CDKL1: variants seen among roughly 807,000 people sequenced by gnomAD.
CDKL1 encodes cyclin-dependent kinase-like 1.
CDKL1 carries 41 observed loss-of-function variants against 42.0 expected under a neutral mutation model. The ratio of observed to expected loss-of-function variants is 0.98; its 90% CI spans 0.76 to 1.27. CDKL1 has a LOEUF of 1.27. Among genes scored for constraint, CDKL1 ranks in the 50% most tolerant of loss-of-function variants. CDKL1 has a pLI of 0.00. For missense variants in CDKL1, 394 were observed against 428.4 expected (o/e 0.92, Z 0.71); for synonymous variants, 153 against 158.6 (o/e 0.96, Z 0.26).
chr14:50,340,551 C>T (rs1409713072), intron 6 of CDKL1, among the ~76,000 whole-genome samples: 5 of 152,086 alleles, frequency 3.3e-5, no homozygotes, highest in African/African-American at 7.2e-5. Flanking sequence ...GAAAGCAAGA[C>T]GGACTGAGTG....
intron 3 of CDKL1, among the ~76,000 whole-genome samples, chr14:50,346,352 G>A (rs1173369128): frequency 1.3e-5 from 2 of 152,160 alleles, no homozygotes; most frequent in Admixed American, 6.5e-5. Flanking sequence ...TTCCTTGTTT[G>A]AGCGGCATAT....
intron 7 of CDKL1, among the ~76,000 whole-genome samples, chr14:50,337,070 G>A (rs2033319467): frequency 6.6e-6 from 1 of 151,658 alleles, no homozygotes; most frequent in South Asian, 2.1e-4. Flanking sequence ...GTGTACTGAC[G>A]TGATCTCGGC....
At chr14:50,350,905 T>G (rs1046010500) in intron 3 of CDKL1, among the ~76,000 whole-genome samples, 1 of 152,056 alleles carries the variant, frequency 6.6e-6, no homozygotes, top group African/African-American at 2.4e-5. Context: ...GCACTCCTTC[T>G]GGGGAGGGCA....
At chr14:50,366,228 A>C (rs1487995153) in intron 2 of CDKL1, among the ~76,000 whole-genome samples, 1 of 152,214 alleles carries the variant, frequency 6.6e-6, no homozygotes, top group Non-Finnish European at 1.5e-5. Flanking sequence ...ATAATCTATG[A>C]AATTAGGCTG....
chr14:50,354,900 TATA>T (rs1180158421), intron 3 of CDKL1, among the ~76,000 whole-genome samples: 4 of 152,204 alleles, frequency 2.6e-5, no homozygotes, highest in Middle Eastern at 3.4e-3. Flanking sequence ...AAAACATTAC[TATA>T]ATAATAAACA....
chr14:50,390,037 C>G (rs2035207911), intron 2 of CDKL1: 1 of 640,328 alleles, frequency 1.6e-6, no homozygotes, highest in African/African-American at 1.9e-5. Context: ...ACGATATCTA[C>G]CTTCTAAGGT....
At chr14:50,343,154 A>ATTTTT in intron 4 of CDKL1, 9 of 265,222 alleles carry the variant, frequency 3.4e-5, no homozygotes, top group South Asian at 1.0e-4. Flanking sequence ...ATTAAGAGTT[A>ATTTTT]CTTTTTTTTT....
chr14:50,341,576 C>G lies in CDKL1; in HGVS notation c.455-344G>C, dbSNP rs142322246. Among the ~76,000 whole-genome samples the G allele has an allele frequency of 9.3e-3, 1,410 of 151,316 alleles. 20 individuals carry two copies. Among genetic ancestry groups the G allele is most frequent in the African/African-American group, 0.032 (1,313 of 41,270 alleles). ...GGTGGTTTGCTTCAGCCCAGGAGTT[C>G]GAGACCAGCCTGGGCAATGTGGTGA... On this transcript the variant is annotated intron_variant, in intron 5 of 9. Transcript: ENST00000395834.
intron 8 of CDKL1, 94 bp downstream of exon 8, chr14:50,334,471 C>G: frequency 1.2e-6 from 1 of 806,778 alleles, no homozygotes; most frequent in Non-Finnish European, 2.1e-6. Context: ...AAAAGGAACA[C>G]TTTTCATTGC....
At chr14:50,338,885 G>A in intron 7 of CDKL1, 62 bp downstream of exon 7, 2 of 1,057,028 alleles carry the variant, frequency 1.9e-6, no homozygotes, top group South Asian at 2.5e-5. Flanking sequence ...CTCAGGAGGT[G>A]AATAACAACC....
chr14:50,390,101 C>T (rs2035210342), intron 2 of CDKL1: 3 of 1,303,478 alleles, frequency 2.3e-6, no homozygotes, highest in Middle Eastern at 2.1e-4. Context: ...GGCAGTTTGT[C>T]CAAATTTACT....
At chr14:50,345,732 G>T (rs2033702866) in intron 3 of CDKL1, among the ~76,000 whole-genome samples, 1 of 152,110 alleles carries the variant, frequency 6.6e-6, no homozygotes, top group East Asian at 1.9e-4. Flanking sequence ...GAGGCATCCT[G>T]GTTCTTTCCC....
At chr14:50,344,291 C>T (rs989431200) in intron 4 of CDKL1, among the ~76,000 whole-genome samples, 2 of 152,162 alleles carry the variant, frequency 1.3e-5, no homozygotes, top group African/African-American at 4.8e-5. Flanking sequence ...TTTGGGGTTC[C>T]ACCTACTGCA....
At chr14:50,333,693 T>G (rs748057439) in intron 8 of CDKL1, 1 of 152,200 alleles carries the variant, frequency 6.6e-6, no homozygotes, top group African/African-American at 2.4e-5. Context: ...CTTTCTTGCA[T>G]GAGGTCCAAG....
At chr14:50,387,173 C>T (rs1421548340) in intron 2 of CDKL1, among the ~76,000 whole-genome samples, 2 of 147,532 alleles carry the variant, frequency 1.4e-5, no homozygotes, top group African/African-American at 2.5e-5. Context: ...CCCCACTGCA[C>T]TCCAGCCTGG....
In CDKL1 at chr14:50,362,964, G is replaced by A. The variant is rs1024168466; in HGVS notation, c.169-3815C>T. The A allele has an allele frequency of 1.1e-5, 5 of 465,658 alleles. No homozygotes were observed. In the Admixed American group the frequency reaches 1.2e-4, roughly 11 times the overall value. 28.8% of individuals were successfully genotyped at this position (465,658 alleles called of 1,614,324 possible). Reference sequence around the variant, plus strand: ...TAAATCTTGCTGCTGCTCACGCTTTGGGTCCGCACTGCTGTAACACTTATG... The same window carrying A: ...TAAATCTTGCTGCTGCTCACGCTTTAGGTCCGCACTGCTGTAACACTTATG... On this transcript the variant is annotated intron_variant, in intron 2 of 9. Transcript: ENST00000395834.
chr14:50,339,054 A>C lies in CDKL1; in HGVS notation c.656-25T>G, dbSNP rs371181719. ...CCTTTGGACAAGAAAAGAAAAAGGT[A>C]AGTGAAATTGGTTAGCAAACACTGA... On this transcript the variant is annotated intron_variant, in intron 6 of 9. Transcript: ENST00000395834. 36 of 1,502,022 alleles carry C rather than the reference A, an allele frequency of 2.4e-5. No homozygotes were observed. In the African/African-American group the frequency reaches 4.1e-4, roughly 17 times the overall value. The allele number at this position is 1,502,022 out of a possible 1,614,324, so 93.0% of individuals were successfully genotyped here.
At chr14:50,380,802 CT>C (rs1555344287) in intron 2 of CDKL1, among the ~76,000 whole-genome samples, 48 of 134,592 alleles carry the variant, frequency 3.6e-4, no homozygotes, top group Non-Finnish European at 4.8e-4. Context: ...CTGTGACTTC[CT>C]TTTTTTTTTG....
chr14:50,395,728 A>T lies in CDKL1; in HGVS notation c.141T>A (p.Ile47=). 1 of 1,612,946 alleles carries T rather than the reference A, an allele frequency of 6.2e-7. No homozygotes were observed. The highest frequency in any genetic ancestry group is 8.5e-7 in the Non-Finnish European group (1 of 1,179,172). ...TGAGCATTCGGATTTCCCGAAGGGC[A>T]ATTTTCTTTATGACAGGGTCATCTT... ...ESEDDPVIKK[I]ALREIRMLKQ... The change falls in exon 2 of 10, where the codon ATT becomes ATA. Residue 47 remains isoleucine (I), a synonymous_variant. Coordinates refer to ENST00000395834, the MANE Select transcript of CDKL1 (RefSeq NM_004196.7).
Sources: gnomAD v4.1 joint callset for allele counts (sites outside exome capture counted in the v4.1 genomes callset) on GRCh38, gnomAD v4.1.1 for gene constraint, MANE v1.5 for transcripts, NCBI Gene and HGNC (gene_info 2026-07-23, HGNC 2026-07-21) for gene names.